The following ABCB4 variants were observed in gnomAD, a reference collection of about 807,000 sequenced individuals.
ABCB4 encodes ATP binding cassette subfamily B member 4.
ABCB4 carries 76 observed loss-of-function variants against 145.7 expected under a neutral mutation model. The observed-to-expected ratio is 0.52, with a 90% CI of 0.43 to 0.63. ABCB4 has a LOEUF of 0.63. ABCB4 is among the 30% of genes least tolerant of loss of function. The probability of loss-of-function intolerance (pLI) is 0.00; values close to 1 mark genes in which losing one functional copy is unlikely to be tolerated. For missense variants in ABCB4, 1,234 were observed against 1,553.1 expected, an observed-to-expected ratio of 0.79 and a Z score of 3.45; for synonymous variants, 517 against 566.8, an observed-to-expected ratio of 0.91 and a Z score of 1.25.
chr7:87,463,644 A>C (rs1052777725), intron 3 of ABCB4, among the ~76,000 whole-genome samples: 1 of 152,364 alleles, frequency 6.6e-6, no homozygotes. Context: ...TGGAATGCTT[A>C]AGTAACCCCT....
downstream of ABCB4, chr7:87,398,168 G>T: frequency 3.3e-5 from 11 of 332,498 alleles, no homozygotes; most frequent in South Asian, 7.6e-5. Context: ...ATTAAAAACT[G>T]TAGCATGAAT....
intron 15 of ABCB4, among the ~76,000 whole-genome samples, chr7:87,429,816 T>C (rs1418397107): frequency 6.6e-6 from 1 of 151,880 alleles, no homozygotes; most frequent in Non-Finnish European, 1.5e-5. Flanking sequence ...GTTATAAAAC[T>C]TTTCGTCATT....
chr7:87,381,912 T>C, the ABCB4 span: 2 of 1,600,196 alleles, frequency 1.2e-6, no homozygotes, highest in South Asian at 1.1e-5. Flanking sequence ...CATTTTAGCA[T>C]GCTCCTTTTG....
chr7:87,392,780 C>T, the ABCB4 span: 31 of 1,613,716 alleles, frequency 1.9e-5, no homozygotes, highest in African/African-American at 3.7e-4. Flanking sequence ...AGAGGAAGGT[C>T]TTCCTGTTCC....
chr7:87,372,103 T>C, the ABCB4 span, among the ~76,000 whole-genome samples: 10 of 151,534 alleles, frequency 6.6e-5, no homozygotes, highest in Non-Finnish European at 1.2e-4. Context: ...TCATTACAAG[T>C]GAGGTTGAGC....
chr7:87,392,110 T>A, the ABCB4 span, among the ~76,000 whole-genome samples: 1 of 152,172 alleles, frequency 6.6e-6, no homozygotes, highest in African/African-American at 2.4e-5. Context: ...AGTTGTATGC[T>A]TTGTTTCATA....
At chr7:87,462,983 A>AT in intron 3 of ABCB4, 75 bp from the exon 4 acceptor site, 1 of 1,383,360 alleles carries the variant, frequency 7.2e-7, no homozygotes, top group Non-Finnish European at 1.0e-6. Flanking sequence ...TATTCTTTGG[A>AT]TTTTTATTTA....
the ABCB4 span, among the ~76,000 whole-genome samples, chr7:87,395,583 A>T: frequency 3.9e-5 from 6 of 152,200 alleles, no homozygotes; most frequent in Non-Finnish European, 8.8e-5. Flanking sequence ...GTTAACTTTG[A>T]GCCTTGAAGG....
the ABCB4 span, among the ~76,000 whole-genome samples, chr7:87,382,887 C>G: frequency 6.6e-6 from 1 of 152,152 alleles, no homozygotes; most frequent in Non-Finnish European, 1.5e-5. Flanking sequence ...ATTATCCAGC[C>G]TTTACTCATT....
Position 87,454,516 on chromosome 7 carries a change from G to T in ABCB4, c.344+19C>A, listed in dbSNP as rs1463343338. 6.4e-7 allele frequency: 1 copy of T among 1,572,616 alleles called. No homozygotes were observed. Among genetic ancestry groups the T allele is most frequent in the Non-Finnish European group, 8.7e-7 (1 of 1,146,670 alleles). Reference sequence around the variant, plus strand: ...CTTCAAATGAAACTTTAAAAAAGTAGACCATATATATGAGTTACCTAGTCA... The same window carrying T: ...CTTCAAATGAAACTTTAAAAAAGTATACCATATATATGAGTTACCTAGTCA... On this transcript the variant is annotated intron_variant, in intron 5 of 27. Coordinates refer to ENST00000649586, the MANE Select transcript of ABCB4 (RefSeq NM_000443.4).
chr7:87,401,829 T>C lies in ABCB4; in HGVS notation c.*267A>G, dbSNP rs1423713905. On this transcript the variant is annotated 3_prime_UTR_variant, in exon 28 of 28. Coordinates refer to ENST00000649586, the MANE Select transcript of ABCB4 (RefSeq NM_000443.4). ...GGCTTCTATATTTCTACACCTGTAC[T>C]TACCTTGAATTTTGTTCTTTTTCTG... The C allele has an allele frequency of 1.7e-6, 1 of 594,798 alleles. No individual in the cohort carries two copies. The highest frequency in any genetic ancestry group is 3.1e-6 in the Non-Finnish European group (1 of 322,002). 36.8% of individuals were successfully genotyped at this position (594,798 alleles called of 1,614,324 possible).
chr7:87,375,559 A>G, the ABCB4 span: 3 of 1,015,472 alleles, frequency 3.0e-6, no homozygotes, highest in Admixed American at 5.6e-5. Context: ...GATCAATGTT[A>G]TGACCTTTTA....
intron 24 of ABCB4, among the ~76,000 whole-genome samples, chr7:87,408,860 C>T (rs888190732): frequency 5.3e-5 from 8 of 152,116 alleles, no homozygotes; most frequent in Non-Finnish European, 7.3e-5. Flanking sequence ...TCATTGTGAA[C>T]GAACTGCCCT....
the ABCB4 span, among the ~76,000 whole-genome samples, chr7:87,395,778 C>T: frequency 2.7e-4 from 41 of 152,212 alleles, no homozygotes; most frequent in South Asian, 6.2e-4. Context: ...CCCAAGGTGT[C>T]AAAATGGTCT....
intron 14 of ABCB4, among the ~76,000 whole-genome samples, chr7:87,432,359 T>G (rs1451881513): frequency 6.6e-6 from 1 of 152,168 alleles, no homozygotes; most frequent in Non-Finnish European, 1.5e-5. Context: ...TCTGAGACAA[T>G]CAAACCACAT....
At chr7:87,427,656 G>T (rs1809934038) in intron 15 of ABCB4, among the ~76,000 whole-genome samples, 1 of 152,168 alleles carries the variant, frequency 6.6e-6, no homozygotes, top group Admixed American at 6.5e-5. Flanking sequence ...CTTAGTCCTT[G>T]TAGTAGTGTC....
the ABCB4 span, among the ~76,000 whole-genome samples, chr7:87,368,318 G>A: frequency 2.6e-5 from 4 of 152,104 alleles, no homozygotes; most frequent in African/African-American, 4.8e-5. Context: ...TTGGCATCAG[G>A]TTTATTTTCT....
chr7:87,470,820 A>T (rs1372256094), intron 3 of ABCB4, among the ~76,000 whole-genome samples: 6 of 152,214 alleles, frequency 3.9e-5, no homozygotes. Flanking sequence ...TGATTCCTCA[A>T]GGATCTAGAA....
At chr7:87,466,565 C>A (rs1812920123) in intron 3 of ABCB4, among the ~76,000 whole-genome samples, 1 of 152,144 alleles carries the variant, frequency 6.6e-6, no homozygotes, top group African/African-American at 2.4e-5. Flanking sequence ...AAAGATACTC[C>A]TCGAGAACAG....
Sources: gnomAD v4.1 joint callset for allele counts (sites outside exome capture counted in the v4.1 genomes callset) on GRCh38, gnomAD v4.1.1 for gene constraint, MANE v1.5 for transcripts, NCBI Gene and HGNC (gene_info 2026-07-23, HGNC 2026-07-21) for gene names.